PAM: variants seen among roughly 807,000 people sequenced by gnomAD.
PAM encodes peptidyl-glycine alpha-amidating monooxygenase.
A neutral mutation model predicts 122.1 loss-of-function variants in PAM; 72 were observed. The ratio of observed to expected loss-of-function variants is 0.59; its 90% CI spans 0.49 to 0.72. The LOEUF is 0.72. Ranked by LOEUF, PAM falls within the 30% of genes least tolerant of loss-of-function variation. The probability of loss-of-function intolerance (pLI) is 0.00; values close to 1 mark genes in which losing one functional copy is unlikely to be tolerated. For missense variants in PAM, 1,106 were observed against 1,183.7 expected, an observed-to-expected ratio of 0.93 and a Z score of 0.96; for synonymous variants, 389 against 404.4, an observed-to-expected ratio of 0.96 and a Z score of 0.46.
At chr5:102,988,483 G>A (rs969591531) in intron 15 of PAM, among the ~76,000 whole-genome samples, 2 of 151,884 alleles carry the variant, frequency 1.3e-5, no homozygotes, top group African/African-American at 4.8e-5. Flanking sequence ...TATTTACTAA[G>A]GCCAAAAACC....
intron 21 of PAM, among the ~76,000 whole-genome samples, chr5:103,011,407 C>T (rs866745283): frequency 0.01 from 1,594 of 151,920 alleles, 25 homozygotes; most frequent in African/African-American, 0.037. Flanking sequence ...CACACTCTCT[C>T]TCTCTGTCCC....
intron 1 of PAM, among the ~76,000 whole-genome samples, chr5:102,841,693 G>A (rs947303244): frequency 3.3e-5 from 5 of 152,028 alleles, no homozygotes; most frequent in African/African-American, 1.2e-4. Context: ...TATAAATTTT[G>A]TCATAATCAA....
chr5:102,983,328 T>C (rs984129865), intron 15 of PAM, among the ~76,000 whole-genome samples: 1 of 150,888 alleles, frequency 6.6e-6, no homozygotes, highest in Non-Finnish European at 1.5e-5. Flanking sequence ...CGTGTGCGTA[T>C]AATTACAGCT....
intron 3 of PAM, among the ~76,000 whole-genome samples, chr5:102,894,541 A>G (rs1310539039): frequency 6.6e-6 from 1 of 151,554 alleles, no homozygotes; most frequent in Non-Finnish European, 1.5e-5. Context: ...TGCCTCCTCT[A>G]CACACATTGC....
chr5:102,811,172 G>C (rs1287564385), intron 1 of PAM, among the ~76,000 whole-genome samples: 2 of 152,232 alleles, frequency 1.3e-5, no homozygotes, highest in East Asian at 3.9e-4. Context: ...TCTACTGTTG[G>C]CTGTAACAAA....
intron 1 of PAM, among the ~76,000 whole-genome samples, chr5:102,857,060 A>G (rs1404474759): frequency 6.6e-6 from 1 of 152,220 alleles, no homozygotes; most frequent in African/African-American, 2.4e-5. Context: ...TCCCTCAGTG[A>G]TCACAACACA....
At chr5:102,904,881 A>G (rs1799061285) in intron 4 of PAM, among the ~76,000 whole-genome samples, 1 of 151,572 alleles carries the variant, frequency 6.6e-6, no homozygotes, top group Admixed American at 6.6e-5. Context: ...ATACTTCTAA[A>G]TTTTGAGCAA....
rs930936152 is a variant in PAM, at chr5:103,007,645, T to G, written c.2203T>G (p.Ser735Ala). ...ATTTGGAAGAAATGTATTTGCAATT[T>G]CATATATACCAGGTATTTCATCTTA... Reference protein sequence around the residue: ...SSFGRNVFAISYIPGLLFAVN... With the variant: ...SSFGRNVFAIAYIPGLLFAVN... The change falls in exon 20 of 26, where the codon TCA (serine) becomes GCA (alanine). Residue 735 changes from serine (S) to alanine (A), a missense_variant. Ser to Ala is a moderately conservative substitution (Grantham distance 99). Around this residue, in one of 3 missense-constraint regions of PAM, gnomAD observed 333 missense variants for 335.6 expected, o/e 0.99. Transcript: ENST00000438793. 4.4e-6 allele frequency: 7 copies of G among 1,585,876 alleles called. No homozygotes were observed. Among genetic ancestry groups the G allele is most frequent in the Non-Finnish European group, 5.2e-6 (6 of 1,154,416 alleles).
chr5:103,028,286 C>T (rs758294168), intron 25 of PAM, 48 bp downstream of exon 25: 5 of 1,270,894 alleles, frequency 3.9e-6, no homozygotes, highest in Non-Finnish European at 4.6e-6. Context: ...TCAAAGTCAA[C>T]AAGCACATGT....
At position 102,813,263 on chromosome 5, in the gene PAM, G is replaced by T. The variant is rs773850149; in HGVS notation, c.-373-52560G>T. ...ATGGAGATGAGAGTTTTGAGATTTTGAATCTTTCTTGGTCAGTGGGCGTGG... is the reference window on the plus strand; with the variant it reads ...ATGGAGATGAGAGTTTTGAGATTTTTAATCTTTCTTGGTCAGTGGGCGTGG... On this transcript the variant is annotated intron_variant, in intron 1 of 25. Coordinates refer to ENST00000438793, the MANE Select transcript of PAM (RefSeq NM_001177306.2). Among the ~76,000 whole-genome samples, 28 of 152,162 alleles carry T rather than the reference G, an allele frequency of 1.8e-4. 1 individual carries two copies. Among genetic ancestry groups the T allele is most frequent in the Admixed American group, 6.5e-4 (10 of 15,286 alleles).
At chr5:103,010,469 T>C (rs1430387313) in intron 21 of PAM, among the ~76,000 whole-genome samples, 1 of 152,200 alleles carries the variant, frequency 6.6e-6, no homozygotes, top group Non-Finnish European at 1.5e-5. Flanking sequence ...ATGGCCCTTC[T>C]GTCTTCTCAG....
intron 1 of PAM, among the ~76,000 whole-genome samples, chr5:102,758,109 C>CGA (rs1751168459): frequency 2.2e-5 from 1 of 44,892 alleles, no homozygotes; most frequent in South Asian, 8.1e-4. Context: ...TTTTTTTTTT[C>CGA]TTGGGGCAAA....
chr5:103,000,354 T>C (rs1777036564), intron 16 of PAM, among the ~76,000 whole-genome samples: 1 of 152,172 alleles, frequency 6.6e-6, no homozygotes, highest in Non-Finnish European at 1.5e-5. Flanking sequence ...CTGGACTTCA[T>C]TGTTCATATC....
intron 7 of PAM, among the ~76,000 whole-genome samples, chr5:102,945,040 A>G (rs1182943369): frequency 6.6e-6 from 1 of 152,158 alleles, no homozygotes; most frequent in Non-Finnish European, 1.5e-5. Context: ...TAAAATATTC[A>G]TGTACTGTAT....
intron 1 of PAM, among the ~76,000 whole-genome samples, chr5:102,778,742 C>T (rs1757828471): frequency 1.3e-5 from 2 of 152,114 alleles, no homozygotes; most frequent in Non-Finnish European, 2.9e-5. Context: ...AGACAAGCAA[C>T]CAAATGAACG....
At chr5:102,819,758 T>C (rs1771115014) in intron 1 of PAM, among the ~76,000 whole-genome samples, 1 of 152,188 alleles carries the variant, frequency 6.6e-6, no homozygotes, top group South Asian at 2.1e-4. Flanking sequence ...ACATGGTATG[T>C]CTCGTACTCT....
At chr5:102,884,560 A>C (rs183248751) in intron 3 of PAM, among the ~76,000 whole-genome samples, 1 of 152,072 alleles carries the variant, frequency 6.6e-6, no homozygotes, top group East Asian at 1.9e-4. Flanking sequence ...CATTAGCAAC[A>C]AAAGTGATTC....
intron 1 of PAM, among the ~76,000 whole-genome samples, chr5:102,853,530 C>T (rs926077318): frequency 3.9e-5 from 6 of 152,144 alleles, no homozygotes; most frequent in African/African-American, 4.8e-5. Context: ...ATATTTTATC[C>T]ATTGATAACG....
chr5:102,867,214 T>G (rs1785885901), intron 2 of PAM, 59 bp from the exon 3 acceptor site: 1 of 1,192,784 alleles, frequency 8.4e-7, no homozygotes, highest in Non-Finnish European at 1.2e-6. Context: ...TTTCCCCTTC[T>G]CATGTTGAGT....
Sources: gnomAD v4.1 joint callset for allele counts (sites outside exome capture counted in the v4.1 genomes callset) on GRCh38, gnomAD v4.1.1 for gene constraint, gnomAD v4.1.1 regional missense constraint, MANE v1.5 for transcripts, NCBI Gene and HGNC (gene_info 2026-07-23, HGNC 2026-07-21) for gene names.